The following FBN2 variants were observed in gnomAD, a reference collection of about 807,000 sequenced individuals.
The protein encoded by FBN2 is fibrillin-2.
In FBN2, 105 loss-of-function variants were observed where a neutral mutation model predicts 355.6. That is an observed-to-expected ratio of 0.30 (90% CI 0.25 to 0.35). The LOEUF (loss-of-function observed/expected upper bound fraction) is 0.35, where lower values mean the gene tolerates loss of function less well. Among genes scored for constraint, FBN2 ranks in the 10% least tolerant of loss-of-function variants. FBN2 has a pLI of 1.00. For synonymous variants in FBN2, 1,350 were observed against 1,301.2 expected (o/e 1.04, Z -0.81); for missense variants, 3,280 against 3,758.7 (o/e 0.87, Z 3.33).
chr5:128,493,684 T>C (rs7723500), intron 5 of FBN2, among the ~76,000 whole-genome samples: 31,981 of 151,950 alleles, frequency 0.21, 6,030 homozygotes, highest in African/African-American at 0.51. Context: ...TAGGAAAAAA[T>C]AAACTCTGAA....
intron 27 of FBN2, 60 bp from the exon 28 acceptor site, chr5:128,336,173 A>C: frequency 6.4e-7 from 1 of 1,564,056 alleles, no homozygotes; most frequent in East Asian, 2.2e-5. Flanking sequence ...AGCCATCAGA[A>C]AGGTGCTTCA....
In FBN2 at chr5:128,274,607, T is replaced by C. The variant is rs1765343176; in HGVS notation, c.7671A>G (p.Lys2557=). 6.2e-7 allele frequency: 1 copy of C among 1,612,922 alleles called. No individual in the cohort carries two copies. The highest frequency in any genetic ancestry group is 8.5e-7 in the Non-Finnish European group (1 of 1,179,036). The change falls in exon 60 of 65, where the codon AAA becomes AAG. Residue 2557 remains lysine, a synonymous_variant. Transcript: ENST00000262464. ...CVNTLGGFTC[K]CPPGFTQHHT... is the part of the protein sequence containing the mutation. ...GATGCTGTGTGAAACCAGGTGGACA[T>C]TTACAGGTAAACCCCCCCAGGGTGT... is the stretch of plus-strand genomic sequence containing the variant.
intron 20 of FBN2, among the ~76,000 whole-genome samples, chr5:128,354,844 T>C (rs1310140359): frequency 6.6e-6 from 1 of 152,154 alleles, no homozygotes; most frequent in African/African-American, 2.4e-5. Flanking sequence ...ATTTGAGATA[T>C]CGATGAGCCA....
At chr5:128,490,205 C>A (rs1755463302) in intron 5 of FBN2, among the ~76,000 whole-genome samples, 1 of 152,032 alleles carries the variant, frequency 6.6e-6, no homozygotes, top group Admixed American at 6.6e-5. Context: ...ATTGTTTTAA[C>A]AATTTGAGAT....
At chr5:128,420,373 T>C (rs1753315076) in intron 7 of FBN2, among the ~76,000 whole-genome samples, 1 of 152,170 alleles carries the variant, frequency 6.6e-6, no homozygotes, top group African/African-American at 2.4e-5. Context: ...AATAGATAAT[T>C]TGTTTTTGGG....
At chr5:128,528,067 G>A in intron 3 of FBN2, 100 bp from the exon 4 acceptor site, 1 of 773,608 alleles carries the variant, frequency 1.3e-6, no homozygotes, top group South Asian at 1.5e-5. Context: ...CCAATTCAAT[G>A]ACAATTATAT....
At chr5:128,455,874 C>G (rs977411025) in intron 6 of FBN2, among the ~76,000 whole-genome samples, 1 of 151,840 alleles carries the variant, frequency 6.6e-6, no homozygotes, top group South Asian at 2.1e-4. Flanking sequence ...ATTATTACAG[C>G]CTCTGAGCAG....
chr5:128,487,969 A>C (rs1467570367), intron 5 of FBN2, among the ~76,000 whole-genome samples: 1 of 152,198 alleles, frequency 6.6e-6, no homozygotes, highest in African/African-American at 2.4e-5. Flanking sequence ...TCATGTAAAC[A>C]GAATGTAGAC....
At chr5:128,521,024 C>T (rs1193638458) in intron 4 of FBN2, among the ~76,000 whole-genome samples, 1 of 152,124 alleles carries the variant, frequency 6.6e-6, no homozygotes, top group Non-Finnish European at 1.5e-5. Flanking sequence ...GCAGTAATTC[C>T]ATAGAAACAA....
intron 7 of FBN2, 153 bp downstream of exon 7, chr5:128,446,328 C>A: frequency 1.3e-6 from 1 of 767,228 alleles, no homozygotes; most frequent in Non-Finnish European, 2.2e-6. Context: ...CTACAATACA[C>A]AAACACAGAA....
chr5:128,278,082 T>C (rs1765440941), intron 57 of FBN2, 77 bp from the exon 58 acceptor site: 1 of 1,486,556 alleles, frequency 6.7e-7, no homozygotes, highest in African/African-American at 1.4e-5. Flanking sequence ...CAAAGAGAAA[T>C]GAAGAAATGG....
chr5:128,513,349 C>G (rs1459587540), intron 5 of FBN2, among the ~76,000 whole-genome samples: 4 of 152,138 alleles, frequency 2.6e-5, no homozygotes. Context: ...TTGTGTGTGT[C>G]TGGTAGTTTT....
rs545083478 is a variant in FBN2, at chr5:128,497,509, G to GA, written c.628+21763dup. ...GCTTTGTTGTCATCGTAACACTCAA[G>GA]AAAGTGGCCTGAACCATCCAGAACC... On this transcript the variant is annotated intron_variant, in intron 5 of 64. Transcript: ENST00000262464. 1.8e-4 allele frequency among the ~76,000 whole-genome samples: 28 copies of GA among 152,282 alleles called. No homozygotes were observed. The East Asian group carries it at 4.1e-3, about 22-fold the overall frequency.
chr5:128,309,667 TA>T (rs1749978530), intron 40 of FBN2, among the ~76,000 whole-genome samples: 2 of 152,150 alleles, frequency 1.3e-5, no homozygotes, highest in African/African-American at 2.4e-5. Context: ...TTTATTTAAT[TA>T]AAAAAATAAA....
At chr5:128,429,529 G>A (rs1753567205) in intron 7 of FBN2, among the ~76,000 whole-genome samples, 2 of 152,082 alleles carry the variant, frequency 1.3e-5, no homozygotes, top group South Asian at 4.1e-4. Context: ...ACTAGCCATT[G>A]CAAATAGTGT....
At chr5:128,502,016 G>GA (rs1298552841) in intron 5 of FBN2, among the ~76,000 whole-genome samples, 3 of 151,844 alleles carry the variant, frequency 2.0e-5, no homozygotes, top group Non-Finnish European at 4.4e-5. Context: ...AACTAGTACA[G>GA]AAAAAAATAT....
chr5:128,531,944 G>T (rs1474311940), intron 2 of FBN2, among the ~76,000 whole-genome samples: 1 of 152,006 alleles, frequency 6.6e-6, no homozygotes, highest in Non-Finnish European at 1.5e-5. Context: ...ATTAAAGACT[G>T]AGAGTTTAAA....
At chr5:128,343,752 C>A (rs1387739865) in intron 25 of FBN2, among the ~76,000 whole-genome samples, 1 of 152,204 alleles carries the variant, frequency 6.6e-6, no homozygotes, top group Non-Finnish European at 1.5e-5. Context: ...TAAGAGAACA[C>A]TACTCAAGTT....
At chr5:128,286,513 T>C (rs994120504) in intron 55 of FBN2, among the ~76,000 whole-genome samples, 1 of 152,254 alleles carries the variant, frequency 6.6e-6, no homozygotes, top group Non-Finnish European at 1.5e-5. Context: ...CAAAAGGGCA[T>C]GTATTCTTGA....
Sources: gnomAD v4.1 joint callset for allele counts (sites outside exome capture counted in the v4.1 genomes callset) on GRCh38, gnomAD v4.1.1 for gene constraint, MANE v1.5 for transcripts, NCBI Gene and HGNC (gene_info 2026-07-23, HGNC 2026-07-21) for gene names.